The following SPIB variants were observed in gnomAD, a reference collection of about 807,000 sequenced individuals.
SPIB encodes Spi-B transcription factor.
SPIB carries 7 observed loss-of-function variants against 31.9 expected under a neutral mutation model. That is an observed-to-expected ratio of 0.22 (90% CI 0.12 to 0.41). The LOEUF is 0.41. Ranked by LOEUF, SPIB falls within the 10% of genes least tolerant of loss-of-function variation. The pLI is 1.00. For synonymous variants in SPIB, 176 were observed against 158.9 expected, an observed-to-expected ratio of 1.11 and a Z score of -0.81; for missense variants, 327 against 360.2, an observed-to-expected ratio of 0.91 and a Z score of 0.75.
rs570471185 is a variant in SPIB, at chr19:50,430,509, C to T, written c.*2173C>T. The T allele has an allele frequency of 2.0e-5, 3 of 152,220 alleles. No homozygotes were observed. Among genetic ancestry groups the T allele is most frequent in the African/African-American group, 4.8e-5 (2 of 41,494 alleles). 9.4% of individuals were successfully genotyped at this position (152,220 alleles called of 1,614,324 possible). A position where few individuals can be genotyped will look rare whatever the true frequency, so the allele number is the denominator to read the frequency against. On this transcript the variant is annotated 3_prime_UTR_variant, in exon 6 of 6. Transcript: ENST00000595883. ...CTGTAATCCCAGCACTTTGGGAGGC[C>T]GATGCAGGTGGATCACCTGAGGTAG...
chr19:50,430,864 G>A lies in SPIB; in HGVS notation c.*2528G>A, dbSNP rs914954236. The A allele has an allele frequency of 1.3e-5, 2 of 152,304 alleles. No individual in the cohort carries two copies. The highest frequency in any genetic ancestry group is 4.8e-5 in the African/African-American group (2 of 41,442). 9.4% of individuals were successfully genotyped at this position (152,304 alleles called of 1,614,324 possible). A position where few individuals can be genotyped will look rare whatever the true frequency, so the allele number is the denominator to read the frequency against. On this transcript the variant is annotated 3_prime_UTR_variant, in exon 6 of 6. Coordinates refer to ENST00000595883, the MANE Select transcript of SPIB (RefSeq NM_003121.5). ...TAGAGACACGAGAAGTCCATGTGGA[G>A]GCACACAGCAGCTGATGGCAGAGCC...
intron 1 of SPIB, 117 bp downstream of exon 1, chr19:50,419,102 G>T: frequency 1.6e-6 from 2 of 1,265,658 alleles, no homozygotes; most frequent in Non-Finnish European, 2.2e-6. Context: ...GGGAGTGGAG[G>T]GGAGGGGTCC....
At chr19:50,421,678 G>A (rs1160899775) in intron 2 of SPIB, among the ~76,000 whole-genome samples, 2 of 151,754 alleles carry the variant, frequency 1.3e-5, no homozygotes, top group Non-Finnish European at 2.9e-5. Flanking sequence ...GCAGTGGCGC[G>A]ATCTCAGCTC....
At chr19:50,424,886 G>C (rs2039546047) in intron 5 of SPIB, among the ~76,000 whole-genome samples, 1 of 151,878 alleles carries the variant, frequency 6.6e-6, no homozygotes, top group Non-Finnish European at 1.5e-5. Context: ...TGGAACCCAG[G>C]AGGCAAAGGT....
intron 5 of SPIB, among the ~76,000 whole-genome samples, chr19:50,426,190 C>CA (rs2039564085): frequency 6.6e-6 from 1 of 152,056 alleles, no homozygotes; most frequent in African/African-American, 2.4e-5. Context: ...GCCTGGGCAA[C>CA]AGAGCAAGAC....
intron 5 of SPIB, among the ~76,000 whole-genome samples, chr19:50,426,459 G>A (rs1221223512): frequency 6.6e-6 from 1 of 152,130 alleles, no homozygotes; most frequent in Non-Finnish European, 1.5e-5. Flanking sequence ...GGACAGCCCT[G>A]CTTCCAGCAT....
intron 1 of SPIB, among the ~76,000 whole-genome samples, chr19:50,419,239 C>CG (rs757489574): frequency 6.6e-5 from 10 of 152,266 alleles, no homozygotes; most frequent in Middle Eastern, 3.4e-3. Flanking sequence ...TGCCCTCCTG[C>CG]GGGCGTCCTC....
Position 50,422,989 on chromosome 19 carries a change from C to A in SPIB, c.291C>A (p.Ala97=). The A allele has an allele frequency of 1.9e-6, 3 of 1,567,984 alleles. No homozygotes were observed. In the Middle Eastern group the frequency reaches 5.4e-4, roughly 285 times the overall value. ...TCGAACTGGCCCCCAGCCTGGAGGC[C>A]CCGGGGCCTGGCCTCCCTGCATACC... ...GNLELAPSLE[A]PGPGLPAYPT... is the part of the protein sequence containing the mutation. Residue 97 remains alanine (A), a synonymous_variant, in exon 4 of 6, where the codon GCC becomes GCA. Coordinates refer to ENST00000595883, the MANE Select transcript of SPIB (RefSeq NM_003121.5).
At chr19:50,420,055 T>C in intron 2 of SPIB, 82 bp downstream of exon 2, 1 of 1,229,706 alleles carries the variant, frequency 8.1e-7, no homozygotes. Context: ...CTGCCTCAGT[T>C]TCCCCTCCCA....
chr19:50,427,786 A>G (rs538549537), intron 5 of SPIB, among the ~76,000 whole-genome samples: 2 of 152,080 alleles, frequency 1.3e-5, no homozygotes, highest in Non-Finnish European at 2.9e-5. Context: ...GGACAGATGT[A>G]AATCTCGAAA....
rs1375624845 is a variant in SPIB at position 50,428,177 on chromosome 19, C to T, written c.630C>T (p.Arg210=). 3 of 1,590,198 alleles carry T rather than the reference C, an allele frequency of 1.9e-6. No individual in the cohort carries two copies. Among genetic ancestry groups the T allele is most frequent in the African/African-American group, 2.7e-5 (2 of 74,558 alleles). ...CCAAGCACAAGGAACTCCTGGCGCGCCGCTGGGGCCAGCAGAAGGGGAACC... is the reference window on the plus strand; with the variant it reads ...CCAAGCACAAGGAACTCCTGGCGCGTCGCTGGGGCCAGCAGAAGGGGAACC... ...FSSKHKELLA[R]RWGQQKGNRK... The change falls in exon 6 of 6, where the codon CGC becomes CGT. Residue 210 remains arginine (R), a synonymous_variant. Transcript: ENST00000595883. This position sits in a 1 kb window ranked among gnomAD's most constrained non-coding sequence, Gnocchi z 6.5.
intron 4 of SPIB, 47 bp downstream of exon 4, chr19:50,423,084 T>A: frequency 1.1e-6 from 1 of 944,732 alleles, no homozygotes; most frequent in Middle Eastern, 3.4e-4. Flanking sequence ...CCAGGTGTGG[T>A]GGTGCACGCC....
chr19:50,421,907 G>A (rs951506987), intron 2 of SPIB, among the ~76,000 whole-genome samples: 5 of 152,102 alleles, frequency 3.3e-5, no homozygotes, highest in Admixed American at 1.3e-4. Context: ...GCGCCACCAC[G>A]CCTAGCTAAT....
In SPIB at chr19:50,422,498, T is replaced by C; in HGVS notation, c.77T>C (p.Leu26Pro). ...CLYPDGVFYD[L>P]DSCKHSSYPD... The stretch of plus-strand genomic sequence containing the variant: ...TACCCAGATGGCGTCTTCTATGACC[T>C]GGACAGCTGCAAGCATTCCAGCTAC... Residue 26 changes from leucine (L) to proline (P), a missense_variant, in exon 3 of 6, where the codon CTG becomes CCG. Leu to Pro is a moderately conservative substitution (Grantham distance 98). Transcript: ENST00000595883. The C allele has an allele frequency of 6.2e-7, 1 of 1,614,044 alleles. No homozygotes were observed. The highest frequency in any genetic ancestry group is 8.5e-7 in the Non-Finnish European group (1 of 1,179,960).
chr19:50,424,341 G>T (rs1454898919), intron 5 of SPIB, among the ~76,000 whole-genome samples: 4 of 152,208 alleles, frequency 2.6e-5, no homozygotes, highest in African/African-American at 7.2e-5. Context: ...ATGCTCCACG[G>T]TGCATTGTAA....
rs2039590334 is a variant in SPIB, at chr19:50,428,005, CT to C, written c.491-32del. On this transcript the variant is annotated intron_variant, in intron 5 of 5. Transcript: ENST00000595883. This position sits in a 1 kb window ranked among gnomAD's most constrained non-coding sequence, Gnocchi z 6.5. ...GGGGAAGGCGGGGCCTTAGGGACCC[CT>C]CACCTAACGCGTGCCCCCGACCCCA... 14 of 1,468,590 alleles carry C rather than the reference CT, an allele frequency of 9.5e-6. No homozygotes were observed. The highest frequency in any genetic ancestry group is 1.3e-5 in the Non-Finnish European group (14 of 1,104,340). The allele number at this position is 1,468,590 out of a possible 1,614,324, so 91.0% of individuals were successfully genotyped here. A position where few individuals can be genotyped will look rare whatever the true frequency, so the allele number is the denominator to read the frequency against.
rs1241703181 is a variant in SPIB at position 50,423,018 on chromosome 19, C to T, written c.320C>T (p.Thr107Met). The T allele has an allele frequency of 2.0e-5, 29 of 1,483,876 alleles. No individual in the cohort carries two copies. The East Asian group carries it at 3.9e-4, about 20-fold the overall frequency. 91.9% of individuals were successfully genotyped at this position (1,483,876 alleles called of 1,614,324 possible). A position where few individuals can be genotyped will look rare whatever the true frequency, so the allele number is the denominator to read the frequency against. Residue 107 changes from threonine (T) to methionine (M), a missense_variant, in exon 4 of 6, where the codon ACG becomes ATG. Thr to Met is a moderately conservative substitution (Grantham distance 81, BLOSUM62 -1). Coordinates refer to ENST00000595883, the MANE Select transcript of SPIB (RefSeq NM_003121.5). The part of the protein sequence containing the change: ...APGPGLPAYP[T>M]ENFASQTLVP... ...GGGCCTGGCCTCCCTGCATACCCCA[C>T]GGAGAACTTCGCTAGCCAGGTGAGT...
rs915378560 is a variant in SPIB, at chr19:50,430,273, C to T, written c.*1937C>T. On this transcript the variant is annotated 3_prime_UTR_variant, in exon 6 of 6. Transcript: ENST00000595883. ...TGTATAAACCCAGCTGGAACTGAAG[C>T]CTGGGTGGACTATGGAGCCCTGGTT... is the stretch of plus-strand genomic sequence containing the variant. 6.6e-6 allele frequency: 1 copy of T among 152,176 alleles called. No homozygotes were observed. The highest frequency in any genetic ancestry group is 2.4e-5 in the African/African-American group (1 of 41,432). The allele number at this position is 152,176 out of a possible 1,614,324, so 9.4% of individuals were successfully genotyped here.
chr19:50,425,742 A>G (rs369613418), intron 5 of SPIB, among the ~76,000 whole-genome samples: 148 of 152,300 alleles, frequency 9.7e-4, no homozygotes, highest in African/African-American at 3.2e-3. Flanking sequence ...ACACCCAGCC[A>G]GAAATAAATT....
Sources: gnomAD v4.1 joint callset for allele counts (sites outside exome capture counted in the v4.1 genomes callset) on GRCh38, gnomAD v4.1.1 for gene constraint, Gnocchi (gnomAD v3.1) non-coding constraint, MANE v1.5 for transcripts, NCBI Gene and HGNC (gene_info 2026-07-23, HGNC 2026-07-21) for gene names.